Variants in GPC6 observed in about 807,000 individuals in gnomAD.
GPC6 encodes the protein glypican 6.
Under a neutral mutation model 55.2 loss-of-function variants are expected in GPC6, and 14 were observed. The ratio of observed to expected loss-of-function variants is 0.25; its 90% CI spans 0.17 to 0.40. The LOEUF (loss-of-function observed/expected upper bound fraction) is 0.40, where lower values mean the gene tolerates loss of function less well. Ranked by LOEUF, GPC6 falls within the 10% of genes least tolerant of loss-of-function variation. The probability of loss-of-function intolerance (pLI) is 1.00; values close to 1 mark genes in which losing one functional copy is unlikely to be tolerated. For synonymous variants in GPC6, 278 were observed against 259.6 expected, an observed-to-expected ratio of 1.07 and a Z score of -0.68; for missense variants, 641 against 708.5, an observed-to-expected ratio of 0.90 and a Z score of 1.08.
intron 6 of GPC6, among the ~76,000 whole-genome samples, chr13:94,352,947 C>G (rs1159366921): frequency 6.6e-6 from 1 of 152,154 alleles, no homozygotes; most frequent in Non-Finnish European, 1.5e-5. Context: ...ATCTGGAGAA[C>G]TGTATGTCCT....
chr13:94,020,349 T>C (rs1258475111), intron 3 of GPC6, among the ~76,000 whole-genome samples: 1 of 152,224 alleles, frequency 6.6e-6, no homozygotes, highest in Non-Finnish European at 1.5e-5. Flanking sequence ...AGAATATACT[T>C]TGTACGATTG....
chr13:94,372,420 A>C (rs1879598806), intron 6 of GPC6, among the ~76,000 whole-genome samples: 1 of 152,216 alleles, frequency 6.6e-6, no homozygotes, highest in African/African-American at 2.4e-5. Context: ...GGGGTCAGGG[A>C]GTTCCCTTTC....
At chr13:93,565,049 A>C (rs918577980) in intron 2 of GPC6, among the ~76,000 whole-genome samples, 2 of 152,196 alleles carry the variant, frequency 1.3e-5, no homozygotes, top group Non-Finnish European at 2.9e-5. Context: ...CAACATTGTC[A>C]AAATGTTGGA....
chr13:94,013,245 T>A (rs1428635734), intron 3 of GPC6, among the ~76,000 whole-genome samples: 1 of 152,136 alleles, frequency 6.6e-6, no homozygotes, highest in East Asian at 1.9e-4. Context: ...TATGTCCGTT[T>A]ATAATTTAAA....
At chr13:93,819,086 A>C (rs778228704) in intron 2 of GPC6, among the ~76,000 whole-genome samples, 1 of 152,178 alleles carries the variant, frequency 6.6e-6, no homozygotes, top group Non-Finnish European at 1.5e-5. Flanking sequence ...TTTAAAAGTG[A>C]TTTTAATGGG....
At chr13:94,296,810 C>T (rs979520526) in intron 5 of GPC6, among the ~76,000 whole-genome samples, 7 of 152,074 alleles carry the variant, frequency 4.6e-5, no homozygotes, top group Non-Finnish European at 1.0e-4. Flanking sequence ...TGTAACATTT[C>T]CTCCTTATAG....
chr13:94,181,076 C>A (rs1888977048), intron 4 of GPC6, among the ~76,000 whole-genome samples: 1 of 152,188 alleles, frequency 6.6e-6, no homozygotes, highest in Non-Finnish European at 1.5e-5. Context: ...ATCCAGGAAC[C>A]ACATTTTGAT....
chr13:94,051,689 T>C (rs1883953726), intron 4 of GPC6, among the ~76,000 whole-genome samples: 1 of 152,146 alleles, frequency 6.6e-6, no homozygotes, highest in South Asian at 2.1e-4. Context: ...AAGGATATAA[T>C]TGTTTCTTTC....
intron 2 of GPC6, among the ~76,000 whole-genome samples, chr13:93,606,218 G>C (rs771089850): frequency 1.3e-5 from 2 of 152,126 alleles, no homozygotes; most frequent in East Asian, 3.8e-4. Flanking sequence ...ATGAGTGCAC[G>C]GACAATGGAC....
rs117844326 is a variant in GPC6 at position 93,992,506 on chromosome 13, G to A, written c.712-35223G>A. ...GGTTCTATATCCACCAAAGCAATTA[G>A]AGAAGTTTGTTGATTTAATATCCTA... On this transcript the variant is annotated intron_variant, in intron 3 of 8. Coordinates refer to ENST00000377047, the MANE Select transcript of GPC6 (RefSeq NM_005708.5). Among the ~76,000 whole-genome samples the A allele has an allele frequency of 6.3e-3, 965 of 152,218 alleles. 8 individuals carry two copies. The highest frequency in any genetic ancestry group is 0.027 in the Middle Eastern group (8 of 294).
At chr13:93,289,565 A>T (rs985182136) in intron 1 of GPC6, among the ~76,000 whole-genome samples, 11 of 152,228 alleles carry the variant, frequency 7.2e-5, no homozygotes, top group African/African-American at 2.7e-4. Flanking sequence ...AATTACTAAC[A>T]TAAATATATG....
chr13:93,844,715 T>G (rs55922941), intron 3 of GPC6, among the ~76,000 whole-genome samples: 4,600 of 146,012 alleles, frequency 0.032, 232 homozygotes, highest in East Asian at 0.17. Flanking sequence ...ATGAAGTCCT[T>G]GCCCACGCCT....
intron 3 of GPC6, among the ~76,000 whole-genome samples, chr13:94,013,312 C>T (rs985838656): frequency 6.6e-6 from 1 of 151,908 alleles, no homozygotes; most frequent in African/African-American, 2.4e-5. Context: ...CATTTACTAA[C>T]TCCTATGGCG....
intron 1 of GPC6, among the ~76,000 whole-genome samples, chr13:93,272,913 A>C (rs1426534119): frequency 1.3e-5 from 2 of 152,200 alleles, no homozygotes; most frequent in Non-Finnish European, 2.9e-5. Context: ...TAGGATTTGA[A>C]AAAGCTGGTA....
chr13:93,670,708 A>C (rs2139626437), intron 2 of GPC6, among the ~76,000 whole-genome samples: 1 of 152,354 alleles, frequency 6.6e-6, no homozygotes, highest in South Asian at 2.1e-4. Context: ...TAAATGCTTC[A>C]GAAGACTGCT....
chr13:93,982,804 T>G (rs1223047260), intron 3 of GPC6, among the ~76,000 whole-genome samples: 1 of 152,202 alleles, frequency 6.6e-6, no homozygotes, highest in East Asian at 1.9e-4. Flanking sequence ...GAGTTGGGTT[T>G]GTACAAAGAC....
intron 2 of GPC6, among the ~76,000 whole-genome samples, chr13:93,622,380 A>G (rs1330609): frequency 0.46 from 70,035 of 151,954 alleles, 18,090 homozygotes; most frequent in Middle Eastern, 0.64. Context: ...TTGTGTATAC[A>G]TGCCACATTT....
chr13:93,227,226 G>A lies in GPC6; in HGVS notation c.-231G>A. On this transcript the variant is annotated 5_prime_UTR_variant, in exon 1 of 9. Transcript: ENST00000377047. This position sits in a 1 kb window ranked among gnomAD's most constrained non-coding sequence, Gnocchi z 4.3. Reference sequence around the variant, plus strand: ...ATCTGGGGGCTAGAGGAGCAAGGCAGCAGCCTTCCCAGCCAGCCCTTGTTG... The same window carrying A: ...ATCTGGGGGCTAGAGGAGCAAGGCAACAGCCTTCCCAGCCAGCCCTTGTTG... 2.1e-6 allele frequency: 1 copy of A among 482,110 alleles called. No individual in the cohort carries two copies. Among genetic ancestry groups the A allele is most frequent in the South Asian group, 3.5e-5 (1 of 28,502 alleles). 29.9% of individuals were successfully genotyped at this position (482,110 alleles called of 1,614,324 possible).
In GPC6 at chr13:93,276,765, C is replaced by G. The variant is rs183424389; in HGVS notation, c.160+49149C>G. 3.3e-3 allele frequency among the ~76,000 whole-genome samples: 498 copies of G among 152,182 alleles called. 5 individuals carry two copies. The highest frequency in any genetic ancestry group is 0.011 in the African/African-American group (448 of 41,508). Reference sequence around the variant, plus strand: ...ACCTGGGATGTGTGGGGCCTGAGGCCTGGTGAAAACCTCACTCCCTGGGCA... The same window carrying G: ...ACCTGGGATGTGTGGGGCCTGAGGCGTGGTGAAAACCTCACTCCCTGGGCA... On this transcript the variant is annotated intron_variant, in intron 1 of 8. Transcript: ENST00000377047.
Sources: allele counts gnomAD v4.1 joint callset (sites outside exome capture counted in the v4.1 genomes callset), GRCh38; gene constraint gnomAD v4.1.1; non-coding constraint Gnocchi (gnomAD v3.1); transcripts MANE v1.5; gene names NCBI Gene and HGNC (gene_info 2026-07-23, HGNC 2026-07-21).